The following CAST variants were observed in gnomAD, a reference collection of about 807,000 sequenced individuals.
The protein encoded by CAST is MIR583 host.
In CAST, 76 loss-of-function variants were observed where a neutral mutation model predicts 119.6. The ratio of observed to expected loss-of-function variants is 0.64; its 90% CI spans 0.53 to 0.77. The LOEUF (loss-of-function observed/expected upper bound fraction) is 0.77, where lower values mean the gene tolerates loss of function less well. Among genes scored for constraint, CAST ranks in the 30% least tolerant of loss-of-function variants. CAST has a pLI of 0.00. For missense variants in CAST, 953 were observed against 946.5 expected, an observed-to-expected ratio of 1.01 and a Z score of -0.09; for synonymous variants, 319 against 331.6, an observed-to-expected ratio of 0.96 and a Z score of 0.41.
chr5:95,997,258 A>G, the CAST span, among the ~76,000 whole-genome samples: 1 of 152,110 alleles, frequency 6.6e-6, no homozygotes, highest in Non-Finnish European at 1.5e-5. Flanking sequence ...CTTTCTAAAG[A>G]GGGTGTCTTT....
At chr5:96,669,828 T>C (rs1478203340) in intron 1 of CAST, among the ~76,000 whole-genome samples, 3 of 152,200 alleles carry the variant, frequency 2.0e-5, no homozygotes, top group Non-Finnish European at 4.4e-5. Flanking sequence ...ATGGTGCCCA[T>C]AAATCTTCCC....
intron 1 of CAST, among the ~76,000 whole-genome samples, chr5:96,637,291 A>G (rs1228704594): frequency 6.6e-6 from 1 of 152,208 alleles, no homozygotes; most frequent in Admixed American, 6.5e-5. Flanking sequence ...TGAGAAACTA[A>G]AGCACAGGGA....
Position 96,535,722 on chromosome 5 carries a change from C to T in CAST, c.60+5842C>T, listed in dbSNP as rs868388941. ...TCGAGTAGCTGGGACTACAGGCGCC[C>T]GCCACCAAGCCCGGCTAATTTTTTG... On this transcript the variant is annotated intron_variant, in intron 1 of 11. Coordinates refer to the CAST transcript ENST00000505143. Among the ~76,000 whole-genome samples, 393 of 151,780 alleles carry T rather than the reference C, an allele frequency of 2.6e-3. 2 individuals are homozygous for T. Among genetic ancestry groups the T allele is most frequent in the African/African-American group, 9.2e-3 (381 of 41,420 alleles).
upstream of CAST, among the ~76,000 whole-genome samples, chr5:96,661,534 T>G (rs2150210065): frequency 6.6e-6 from 1 of 151,264 alleles, no homozygotes; most frequent in Middle Eastern, 3.5e-3. Context: ...TACTGCAGGG[T>G]AACAAACAGG....
the CAST span, among the ~76,000 whole-genome samples, chr5:96,257,470 G>A: frequency 5.3e-5 from 8 of 152,174 alleles, no homozygotes; most frequent in Admixed American, 3.3e-4. Flanking sequence ...GTTAAATAAA[G>A]TGGGGATATC....
intron 1 of CAST, among the ~76,000 whole-genome samples, chr5:96,651,435 T>G (rs1748093440): frequency 6.6e-6 from 1 of 152,234 alleles, no homozygotes; most frequent in African/African-American, 2.4e-5. Context: ...CTTTCTCTGC[T>G]GTCTTTTCAG....
chr5:96,527,489 G>T (rs941163906), upstream of CAST, among the ~76,000 whole-genome samples: 3 of 152,082 alleles, frequency 2.0e-5, no homozygotes, highest in Non-Finnish European at 4.4e-5. Flanking sequence ...TTCTGAATTT[G>T]TCCCTTCCCT....
At chr5:96,682,460 A>G (rs1258457275) in intron 2 of CAST, among the ~76,000 whole-genome samples, 3 of 152,072 alleles carry the variant, frequency 2.0e-5, no homozygotes, top group African/African-American at 7.2e-5. Flanking sequence ...ACTCCATTTC[A>G]TGAAGGTAAT....
chr5:96,131,440 C>CACAT, the CAST span, among the ~76,000 whole-genome samples: 1 of 151,998 alleles, frequency 6.6e-6, no homozygotes, highest in East Asian at 1.9e-4. Context: ...CACACACACA[C>CACAT]ACATACATAC....
the CAST span, among the ~76,000 whole-genome samples, chr5:96,360,782 G>C: frequency 2.0e-5 from 3 of 152,212 alleles, no homozygotes; most frequent in Non-Finnish European, 4.4e-5. Context: ...CTGCTGGGTG[G>C]TATCTCCAAG....
chr5:96,429,533 A>G, the CAST span, among the ~76,000 whole-genome samples: 2 of 152,118 alleles, frequency 1.3e-5, no homozygotes, highest in African/African-American at 4.8e-5. Context: ...GTATTTTTGT[A>G]CAGATTATTT....
At chr5:96,221,931 A>C in the CAST span, among the ~76,000 whole-genome samples, 3 of 152,152 alleles carry the variant, frequency 2.0e-5, no homozygotes, top group Admixed American at 6.6e-5. Context: ...GAGGAACAGA[A>C]TAGAGCACCC....
the CAST span, among the ~76,000 whole-genome samples, chr5:96,084,582 T>C: frequency 6.6e-6 from 1 of 152,184 alleles, no homozygotes; most frequent in Non-Finnish European, 1.5e-5. Context: ...TTCTGGCTAA[T>C]TGGATCAGAG....
At chr5:96,663,453 T>G (rs1580874197) in intron 1 of CAST, among the ~76,000 whole-genome samples, 1 of 152,344 alleles carries the variant, frequency 6.6e-6, no homozygotes, top group East Asian at 1.9e-4. Flanking sequence ...ACAAGTGGGA[T>G]GGAACTGGAA....
chr5:96,592,921 C>T (rs1236865097), intron 1 of CAST, among the ~76,000 whole-genome samples: 11 of 152,086 alleles, frequency 7.2e-5, no homozygotes, highest in African/African-American at 1.7e-4. Context: ...CCTGCCACCA[C>T]GCCTGGCTAA....
chr5:96,308,009 G>T, the CAST span, among the ~76,000 whole-genome samples: 4 of 152,282 alleles, frequency 2.6e-5, no homozygotes, highest in South Asian at 8.3e-4. Flanking sequence ...GCCTTGCTAA[G>T]TTGGGGAAGT....
chr5:96,360,163 T>C, the CAST span, among the ~76,000 whole-genome samples: 1 of 152,020 alleles, frequency 6.6e-6, no homozygotes, highest in African/African-American at 2.4e-5. Context: ...AGAGTTCTCA[T>C]GCTATGTTTT....
At chr5:96,752,541 ACC>A (rs1765286111) in intron 20 of CAST, among the ~76,000 whole-genome samples, 1 of 50,572 alleles carries the variant, frequency 2.0e-5, no homozygotes, top group Non-Finnish European at 4.0e-5. Flanking sequence ...CAGGTTAGAA[ACC>A]TCAGGGATAA....
the CAST span, among the ~76,000 whole-genome samples, chr5:96,175,371 T>TA: frequency 4.6e-5 from 7 of 152,000 alleles, no homozygotes; most frequent in East Asian, 1.9e-4. Flanking sequence ...TCACATGCAT[T>TA]AAAAAAAATT....
Sources: allele counts gnomAD v4.1 joint callset (sites outside exome capture counted in the v4.1 genomes callset), GRCh38; gene constraint gnomAD v4.1.1; transcripts MANE v1.5; gene names NCBI Gene and HGNC (gene_info 2026-07-23, HGNC 2026-07-21).